Variants in PCDHA7 observed in about 807,000 individuals in gnomAD.
The protein encoded by PCDHA7 is protocadherin alpha 7.
Under a neutral mutation model 57.2 loss-of-function variants are expected in PCDHA7, and 37 were observed. The observed-to-expected ratio is 0.65, with a 90% CI of 0.50 to 0.85. The LOEUF is 0.85. Among genes scored for constraint, PCDHA7 ranks in the 40% least tolerant of loss-of-function variants. The pLI, the probability that PCDHA7 is intolerant of heterozygous loss-of-function variation, is 0.00. For missense variants in PCDHA7, 1,188 were observed against 1,241.8 expected, an observed-to-expected ratio of 0.96 and a Z score of 0.65; for synonymous variants, 553 against 558.8, an observed-to-expected ratio of 0.99 and a Z score of 0.15.
At chr5:140,873,835 A>G (rs917455135) in intron 1 of PCDHA7, among the ~76,000 whole-genome samples, 3 of 151,964 alleles carry the variant, frequency 2.0e-5, no homozygotes, top group Admixed American at 6.6e-5. Flanking sequence ...TAATTTTTGT[A>G]TTTTTAGTAG....
chr5:140,995,581 G>A (rs1268400169), intron 3 of PCDHA7, among the ~76,000 whole-genome samples: 6 of 152,292 alleles, frequency 3.9e-5, no homozygotes, highest in Admixed American at 2.0e-4. Context: ...TGAGCTATGA[G>A]CTTTTAACTT....
At chr5:140,862,293 C>A in intron 1 of PCDHA7, 1 of 268,596 alleles carries the variant, frequency 3.7e-6, no homozygotes, top group Non-Finnish European at 7.3e-6. Flanking sequence ...CAGGAGGACG[C>A]TCCACTGGGT....
At chr5:140,886,330 T>C (rs1403720039) in intron 1 of PCDHA7, among the ~76,000 whole-genome samples, 1 of 152,192 alleles carries the variant, frequency 6.6e-6, no homozygotes, top group Admixed American at 6.5e-5. Context: ...CTGGGATACA[T>C]GTGCAGAACG....
In PCDHA7 at chr5:140,846,617, G is replaced by A. The variant is rs2150393003; in HGVS notation, c.2355+9879G>A. Among the ~76,000 whole-genome samples, 14 of 148,740 alleles carry A rather than the reference G, an allele frequency of 9.4e-5. 1 individual carries two copies. The highest frequency in any genetic ancestry group is 1.7e-4 in the African/African-American group (7 of 40,642). ...TCTCGATCTCCTGACCTCCTGATCC[G>A]CCCACTTCGGCCTCCTAAAGTGCTG... is the stretch of plus-strand genomic sequence containing the variant. On this transcript the variant is annotated intron_variant, in intron 1 of 3. Transcript: ENST00000525929.
chr5:140,895,720 C>A (rs1473250558), intron 1 of PCDHA7, among the ~76,000 whole-genome samples: 2 of 152,136 alleles, frequency 1.3e-5, no homozygotes, highest in African/African-American at 4.8e-5. Flanking sequence ...ATGGCCTGCA[C>A]CTCCATTCAA....
chr5:140,920,841 T>TAAAAAAAA (rs781921146), intron 1 of PCDHA7, among the ~76,000 whole-genome samples: 2 of 109,228 alleles, frequency 1.8e-5, no homozygotes, highest in Non-Finnish European at 1.9e-5. Context: ...AGACCAAATC[T>TAAAAAAAA]AAAAAAAAAA....
At chr5:140,871,350 C>G (rs782168219) in intron 1 of PCDHA7, 1 of 1,614,194 alleles carries the variant, frequency 6.2e-7, no homozygotes, top group East Asian at 2.2e-5. Context: ...GCTGGTCATA[C>G]TCGCAGCAGA....
In PCDHA7 at chr5:140,834,408, C is replaced by T; in HGVS notation, c.25C>T (p.Pro9Ser). Reference sequence around the variant, plus strand: ...AATGGTGTGCCCGAATGGATACGACCCAGGGGGCCGACATCTACTGCTGTT... The same window carrying T: ...AATGGTGTGCCCGAATGGATACGACTCAGGGGGCCGACATCTACTGCTGTT... MVCPNGYD[P>S]GGRHLLLFII... is the part of the protein sequence containing the mutation. Residue 9 changes from proline (P) to serine (S), a missense_variant, in exon 1 of 4, where the codon CCA becomes TCA. Pro to Ser is a moderately conservative substitution (Grantham distance 74). Around this residue, in one of 3 missense-constraint regions of PCDHA7, gnomAD observed 194 missense variants for 185.8 expected, o/e 1.04. Transcript: ENST00000525929. 1 of 1,610,114 alleles carries T rather than the reference C, an allele frequency of 6.2e-7. No individual in the cohort carries two copies. Among genetic ancestry groups the T allele is most frequent in the Non-Finnish European group, 8.5e-7 (1 of 1,177,630 alleles).
At chr5:140,954,844 C>T (rs1195160424) in intron 1 of PCDHA7, among the ~76,000 whole-genome samples, 1 of 152,070 alleles carries the variant, frequency 6.6e-6, no homozygotes, top group African/African-American at 2.4e-5. Flanking sequence ...GAAATCTTTG[C>T]CTGTGCCTAT....
rs1299699078 is a variant in PCDHA7 at position 140,843,118 on chromosome 5, C to G, written c.2355+6380C>G. 1.7e-5 allele frequency: 27 copies of G among 1,595,720 alleles called. 3 individuals carry two copies. Among genetic ancestry groups the G allele is most frequent in the African/African-American group, 4.0e-5 (3 of 74,428 alleles). The stretch of plus-strand genomic sequence containing the variant: ...TAGCGAAGGTGCGCGCAGTGGACGC[C>G]GACTCGGGCTACAACGCGTGGCTTT... On this transcript the variant is annotated intron_variant, in intron 1 of 3. Transcript: ENST00000525929.
intron 1 of PCDHA7, chr5:140,869,970 A>G: frequency 3.7e-6 from 6 of 1,613,166 alleles, no homozygotes; most frequent in Non-Finnish European, 5.1e-6. Context: ...CCAATGGAAG[A>G]CACTTATTTA....
chr5:140,934,534 GTTCTAA>G (rs1488792046), intron 1 of PCDHA7, among the ~76,000 whole-genome samples: 7 of 152,064 alleles, frequency 4.6e-5, no homozygotes, highest in Non-Finnish European at 7.4e-5. Flanking sequence ...GAGAGCTACC[GTTCTAA>G]TTCTATCATT....
chr5:140,964,531 C>T (rs781961669), intron 1 of PCDHA7, among the ~76,000 whole-genome samples: 4 of 152,058 alleles, frequency 2.6e-5, no homozygotes, highest in Non-Finnish European at 5.9e-5. Context: ...CTCTGAGCTG[C>T]GTGCAGAGAT....
chr5:140,876,868 G>T, intron 1 of PCDHA7: 1 of 1,614,160 alleles, frequency 6.2e-7, no homozygotes, highest in Non-Finnish European at 8.5e-7. Flanking sequence ...GTTCGTGAAG[G>T]AGAACAACCC....
chr5:141,006,425 G>A (rs1483231288), intron 3 of PCDHA7, among the ~76,000 whole-genome samples: 2 of 152,080 alleles, frequency 1.3e-5, no homozygotes, highest in African/African-American at 4.8e-5. Context: ...GTGTTAGCCA[G>A]GATGGTCTCA....
Position 140,835,130 on chromosome 5 carries a change from G to A in PCDHA7, c.747G>A (p.Val249=). ...APVFDRTLYT[V]KLPENVSIGT... ...TGTTCGACAGAACCCTGTATACGGTGAAATTACCAGAAAACGTTTCTATCG... is the reference window on the plus strand; with the variant it reads ...TGTTCGACAGAACCCTGTATACGGTAAAATTACCAGAAAACGTTTCTATCG... The change falls in exon 1 of 4, where the codon GTG becomes GTA. Residue 249 remains valine, a synonymous_variant. Coordinates refer to ENST00000525929, the MANE Select transcript of PCDHA7 (RefSeq NM_018910.3). 7.3e-7 allele frequency: 1 copy of A among 1,362,542 alleles called. No homozygotes were observed. The highest frequency in any genetic ancestry group is 1.0e-6 in the Non-Finnish European group (1 of 1,004,792). 84.4% of individuals were successfully genotyped at this position (1,362,542 alleles called of 1,614,324 possible).
chr5:140,907,037 A>G (rs2073120356), intron 1 of PCDHA7, among the ~76,000 whole-genome samples: 1 of 152,202 alleles, frequency 6.6e-6, no homozygotes, highest in Non-Finnish European at 1.5e-5. Flanking sequence ...ATAATGTCAC[A>G]GGGACAGTAA....
At position 140,849,254 on chromosome 5, in the gene PCDHA7, A is replaced by C. The variant is rs2150433667; in HGVS notation, c.2355+12516A>C. The stretch of plus-strand genomic sequence containing the variant: ...CCCTGTATACGGTGAAATTACCAGA[A>C]AACGTTTCTATCGGAACGCTGGTGA... On this transcript the variant is annotated intron_variant, in intron 1 of 3. Coordinates refer to ENST00000525929, the MANE Select transcript of PCDHA7 (RefSeq NM_018910.3). The C allele has an allele frequency of 1.6e-4, 171 of 1,103,146 alleles. 11 individuals are homozygous for C. In the South Asian group the frequency reaches 1.7e-3, roughly 11 times the overall value. 68.3% of individuals were successfully genotyped at this position (1,103,146 alleles called of 1,614,324 possible). A position where few individuals can be genotyped will look rare whatever the true frequency, so the allele number is the denominator to read the frequency against.
At chr5:140,965,061 G>A (rs76085486) in intron 1 of PCDHA7, among the ~76,000 whole-genome samples, 2,501 of 152,286 alleles carry the variant, frequency 0.016, 68 homozygotes, top group African/African-American at 0.056. Context: ...CATGCCAAAT[G>A]TCAGGTCTCA....
Sources: gnomAD v4.1 joint callset for allele counts (sites outside exome capture counted in the v4.1 genomes callset) on GRCh38, gnomAD v4.1.1 for gene constraint, gnomAD v4.1.1 regional missense constraint, MANE v1.5 for transcripts, NCBI Gene and HGNC (gene_info 2026-07-23, HGNC 2026-07-21) for gene names.